Variants in GPHN observed in about 807,000 individuals in gnomAD.
GPHN encodes gephyrin.
A neutral mutation model predicts 95.5 loss-of-function variants in GPHN; 17 were observed. That is an observed-to-expected ratio of 0.18 (90% CI 0.12 to 0.27). The LOEUF (loss-of-function observed/expected upper bound fraction) is 0.27, where lower values mean the gene tolerates loss of function less well. GPHN is among the 10% of genes least tolerant of loss of function. The pLI is 1.00. For synonymous variants in GPHN, 320 were observed against 322.5 expected, an observed-to-expected ratio of 0.99 and a Z score of 0.08; for missense variants, 660 against 978.1, an observed-to-expected ratio of 0.67 and a Z score of 4.34.
At chr14:66,950,176 A>G (rs887558594) in intron 8 of GPHN, among the ~76,000 whole-genome samples, 6 of 152,160 alleles carry the variant, frequency 3.9e-5, no homozygotes, top group African/African-American at 1.4e-4. Flanking sequence ...TGTTTCCTCC[A>G]TGCTATGAGT....
At chr14:66,876,877 C>T (rs1036641690) in intron 4 of GPHN, among the ~76,000 whole-genome samples, 5 of 152,130 alleles carry the variant, frequency 3.3e-5, no homozygotes, top group African/African-American at 9.7e-5. Flanking sequence ...AAGAGGGAAT[C>T]CTCCTTAACT....
At chr14:67,540,460 T>C in the GPHN span, among the ~76,000 whole-genome samples, 17 of 152,042 alleles carry the variant, frequency 1.1e-4, no homozygotes, top group East Asian at 3.3e-3. Flanking sequence ...TCTCCATCTC[T>C]ACTAAAAATA....
At chr14:66,874,598 CT>C (rs2063572922) in intron 4 of GPHN, among the ~76,000 whole-genome samples, 1 of 152,070 alleles carries the variant, frequency 6.6e-6, no homozygotes, top group African/African-American at 2.4e-5. Context: ...AACACGAAAA[CT>C]TCATGAAGCA....
chr14:67,084,085 C>G (rs1426950013), intron 11 of GPHN, among the ~76,000 whole-genome samples: 6 of 152,060 alleles, frequency 3.9e-5, no homozygotes, highest in Non-Finnish European at 8.8e-5. Flanking sequence ...GAATTCAAAG[C>G]CTGATGCAGA....
chr14:67,613,545 C>G, the GPHN span: 1 of 193,618 alleles, frequency 5.2e-6, no homozygotes, highest in South Asian at 1.1e-4. Context: ...AACCCCTCCC[C>G]ACCAATAAAA....
intron 9 of GPHN, among the ~76,000 whole-genome samples, chr14:67,022,917 GA>G (rs1567223157): frequency 1.3e-5 from 2 of 151,914 alleles, no homozygotes; most frequent in African/African-American, 4.8e-5. Context: ...ACATTTAAAA[GA>G]ATGTTTCACA....
At chr14:67,598,713 C>CTT in the GPHN span, among the ~76,000 whole-genome samples, 227 of 144,304 alleles carry the variant, frequency 1.6e-3, 12 homozygotes, top group South Asian at 4.2e-3. Flanking sequence ...TATGAACAAA[C>CTT]TTTTTTTTTT....
chr14:66,762,450 C>T (rs2058793327), intron 2 of GPHN, among the ~76,000 whole-genome samples: 2 of 151,810 alleles, frequency 1.3e-5, no homozygotes, highest in African/African-American at 4.8e-5. Context: ...ATGATAATTA[C>T]CTTTCCATGG....
the GPHN span, among the ~76,000 whole-genome samples, chr14:67,576,665 C>T: frequency 2.0e-5 from 3 of 152,158 alleles, no homozygotes; most frequent in Non-Finnish European, 4.4e-5. The surrounding 1 kb of genome is among the most constrained non-coding windows in gnomAD (Gnocchi z 4.0). Context: ...CCTCTGTCTC[C>T]GGCTGAGATA....
intron 2 of GPHN, among the ~76,000 whole-genome samples, chr14:66,772,887 A>T (rs1303853736): frequency 6.6e-6 from 1 of 152,216 alleles, no homozygotes; most frequent in Non-Finnish European, 1.5e-5. Flanking sequence ...TTATACAGAT[A>T]CCGTTTGCCC....
At chr14:67,418,784 G>A in the GPHN span, among the ~76,000 whole-genome samples, 32 of 152,318 alleles carry the variant, frequency 2.1e-4, no homozygotes, top group Admixed American at 3.9e-4. Context: ...GAGGGACTAC[G>A]TGACTTGGAG....
At chr14:67,555,894 AG>A in the GPHN span, 1 of 1,613,184 alleles carries the variant, frequency 6.2e-7, no homozygotes, top group Non-Finnish European at 8.5e-7. Context: ...CCAGGTAACC[AG>A]GGGAGGGGAT....
At chr14:67,175,032 G>T (rs1337881344) in intron 21 of GPHN, among the ~76,000 whole-genome samples, 1 of 152,098 alleles carries the variant, frequency 6.6e-6, no homozygotes, top group Non-Finnish European at 1.5e-5. Context: ...TAGGTTGCTT[G>T]TTCACTCTGA....
At chr14:66,580,916 A>G (rs571070015) in intron 1 of GPHN, among the ~76,000 whole-genome samples, 2 of 151,946 alleles carry the variant, frequency 1.3e-5, no homozygotes, top group East Asian at 3.9e-4. Context: ...AGAAATTCTC[A>G]ATGAAATACT....
At chr14:67,727,489 T>TTTTTTTTTTG in the GPHN span, 1 of 354,624 alleles carries the variant, frequency 2.8e-6, no homozygotes, top group Non-Finnish European at 5.4e-6. Context: ...TTTTTTGTTT[T>TTTTTTTTTTG]TTTTTTTTTG....
chr14:67,119,850 C>T (rs537678913), intron 16 of GPHN, among the ~76,000 whole-genome samples: 1 of 151,548 alleles, frequency 6.6e-6, no homozygotes, highest in East Asian at 1.9e-4. Context: ...AAGATAGTGG[C>T]CAGGTATGGT....
intron 1 of GPHN, among the ~76,000 whole-genome samples, chr14:66,563,188 C>T (rs2060336106): frequency 6.6e-6 from 1 of 151,960 alleles, no homozygotes; most frequent in African/African-American, 2.4e-5. Flanking sequence ...AATTATTAGA[C>T]TAATAAACGT....
At chr14:67,574,971 A>G in the GPHN span, among the ~76,000 whole-genome samples, 4 of 152,286 alleles carry the variant, frequency 2.6e-5, no homozygotes, top group African/African-American at 9.6e-5. The surrounding 1 kb of genome is among the most constrained non-coding windows in gnomAD (Gnocchi z 4.2). Context: ...CTTCTCGTTC[A>G]ATCTGTTTAT....
At chr14:67,292,977 T>A in the GPHN span, among the ~76,000 whole-genome samples, 1 of 152,290 alleles carries the variant, frequency 6.6e-6, no homozygotes, top group Non-Finnish European at 1.5e-5. Context: ...GTAACAAATA[T>A]TTGAATTACT....
Sources: gnomAD v4.1 joint callset for allele counts (sites outside exome capture counted in the v4.1 genomes callset) on GRCh38, gnomAD v4.1.1 for gene constraint, Gnocchi (gnomAD v3.1) non-coding constraint, MANE v1.5 for transcripts, NCBI Gene and HGNC (gene_info 2026-07-23, HGNC 2026-07-21) for gene names.